The following ABCA10 variants were observed in gnomAD, a reference collection of about 807,000 sequenced individuals.
ABCA10 encodes the protein ATP binding cassette subfamily A member 10, also known as ATP-binding cassette sub-family A member 10.
ABCA10 carries 169 observed loss-of-function variants against 187.5 expected under a neutral mutation model. That is an observed-to-expected ratio of 0.90 (90% CI 0.80 to 1.02). The LOEUF (loss-of-function observed/expected upper bound fraction) is 1.02, where lower values mean the gene tolerates loss of function less well. Among genes scored for constraint, ABCA10 ranks in the 50% least tolerant of loss-of-function variants. The pLI is 0.00. For synonymous variants in ABCA10, 574 were observed against 601.8 expected, an observed-to-expected ratio of 0.95 and a Z score of 0.68; for missense variants, 1,727 against 1,812.4, an observed-to-expected ratio of 0.95 and a Z score of 0.86.
At chr17:69,188,323 T>C (rs898339024) in intron 18 of ABCA10, among the ~76,000 whole-genome samples, 3 of 152,022 alleles carry the variant, frequency 2.0e-5, no homozygotes, top group African/African-American at 2.4e-5. Context: ...GATGGAAAGT[T>C]CATGGAAAGG....
In ABCA10 at chr17:69,193,600, T is replaced by C. The variant is rs1173902674; in HGVS notation, c.1534A>G (p.Ile512Val). 1.9e-6 allele frequency: 3 copies of C among 1,605,642 alleles called. No homozygotes were observed. Among genetic ancestry groups the C allele is most frequent in the Non-Finnish European group, 2.6e-6 (3 of 1,174,996 alleles). Residue 512 changes from isoleucine (I) to valine (V), a missense_variant, in exon 14 of 39, where the codon ATA becomes GTA. Transcript: ENST00000690296. ...KEVEQEVKRI[I>V]MELDMQSIQD... ...ATGCTTTGCATGTCTAATTCCATTATAATTCTTTTTACCTATCAAAGAAAA... is the reference window on the plus strand; with the variant it reads ...ATGCTTTGCATGTCTAATTCCATTACAATTCTTTTTACCTATCAAAGAAAA...
intron 25 of ABCA10, among the ~76,000 whole-genome samples, chr17:69,170,709 G>C (rs1003412268): frequency 1.4e-4 from 21 of 151,888 alleles, no homozygotes; most frequent in Non-Finnish European, 2.8e-4. Context: ...TAAATTTTGG[G>C]AAATTGAAAC....
chr17:69,153,760 T>C, intron 32 of ABCA10, 71 bp downstream of exon 32: 1 of 1,517,554 alleles, frequency 6.6e-7, no homozygotes, highest in Non-Finnish European at 8.8e-7. Flanking sequence ...TAATTTCCTT[T>C]TAATATATAA....
At chr17:69,179,935 G>T (rs558481466) in intron 22 of ABCA10, among the ~76,000 whole-genome samples, 1 of 152,116 alleles carries the variant, frequency 6.6e-6, no homozygotes, top group African/African-American at 2.4e-5. Flanking sequence ...TGAAAAATCC[G>T]AAAGCCCTTT....
At chr17:69,210,847 C>CATATAT (rs57227408) in intron 9 of ABCA10, among the ~76,000 whole-genome samples, 9 of 37,890 alleles carry the variant, frequency 2.4e-4, no homozygotes, top group African/African-American at 4.0e-4. Context: ...ATTTATGCCA[C>CATATAT]ATATATATAT....
chr17:69,166,898 G>C (rs968081136), intron 25 of ABCA10, among the ~76,000 whole-genome samples: 2 of 152,132 alleles, frequency 1.3e-5, no homozygotes, highest in African/African-American at 4.8e-5. Context: ...CAAGCACCAG[G>C]ATTTAACGTA....
rs138792982 is a variant in ABCA10 at position 69,192,590 on chromosome 17, C to T, written c.1844G>A (p.Arg615Gln). 1,818 of 1,613,258 alleles carry T rather than the reference C, an allele frequency of 1.1e-3. 1 individual carries two copies. The highest frequency in any genetic ancestry group is 1.4e-3 in the Non-Finnish European group (1,648 of 1,179,666). ...TAAATGATATCCAATACCCCACTTT[C>T]GCTTCAGAAACAAAGATGATCCTGC... ...KCAGSSLFLK[R>Q]KWGIGYHLSL... Residue 615 changes from arginine to glutamine, a missense_variant, in exon 16 of 39, where the codon CGA becomes CAA. Physicochemically the swap from Arg to Gln is conservative, Grantham distance 43. Coordinates refer to ENST00000690296, the MANE Select transcript of ABCA10 (RefSeq NM_001377321.1).
At chr17:69,153,240 A>T in intron 34 of ABCA10, 65 bp downstream of exon 34, 2 of 1,523,140 alleles carry the variant, frequency 1.3e-6, no homozygotes, top group South Asian at 2.7e-5. Flanking sequence ...AACAAAACAA[A>T]AACAAAAACA....
At chr17:69,196,467 G>C (rs2074503987) in intron 11 of ABCA10, 1 of 179,584 alleles carries the variant, frequency 5.6e-6, no homozygotes, top group Non-Finnish European at 1.2e-5. Context: ...CGGCGGGGCA[G>C]AGACGCTCCT....
At chr17:69,213,079 G>A (rs1258154482) in intron 9 of ABCA10, among the ~76,000 whole-genome samples, 1 of 152,188 alleles carries the variant, frequency 6.6e-6, no homozygotes, top group African/African-American at 2.4e-5. Flanking sequence ...GTTGCAAGTG[G>A]TAGAATTATC....
At chr17:69,219,261 G>A (rs1372259662) in intron 6 of ABCA10, among the ~76,000 whole-genome samples, 1 of 152,180 alleles carries the variant, frequency 6.6e-6, no homozygotes, top group African/African-American at 2.4e-5. Flanking sequence ...AGACAAATGA[G>A]AAAGAATAAA....
chr17:69,194,990 C>A (rs2074487458), intron 11 of ABCA10, among the ~76,000 whole-genome samples: 1 of 152,170 alleles, frequency 6.6e-6, no homozygotes, highest in Admixed American at 6.5e-5. Context: ...TACTGGTCAT[C>A]ATTTTGCTTT....
rs146540010 is a variant in ABCA10, at chr17:69,216,249, A to G, written c.640T>C (p.Phe214Leu). Residue 214 changes from phenylalanine (F) to leucine (L), a missense_variant, in exon 7 of 39, where the codon TTC (phenylalanine) becomes CTC (leucine). Transcript: ENST00000690296. ...IVFHTGFMVI[F>L]TLYSLYGLSL... ...AGGCCATATAAGCTATAGAGTGTGAATATCACCATGAAGCCAGTATGAAAT... is the reference window on the plus strand; with the variant it reads ...AGGCCATATAAGCTATAGAGTGTGAGTATCACCATGAAGCCAGTATGAAAT... 1.1e-3 allele frequency: 1,707 copies of G among 1,613,664 alleles called. 10 individuals carry two copies. The highest frequency in any genetic ancestry group is 9.6e-3 in the East Asian group (432 of 44,812).
intron 9 of ABCA10, among the ~76,000 whole-genome samples, chr17:69,209,811 C>T (rs1005576045): frequency 6.6e-6 from 1 of 152,282 alleles, no homozygotes; most frequent in South Asian, 2.1e-4. Context: ...TCCTAGACTA[C>T]AAACCTGTAC....
At chr17:69,192,774 T>A (rs1365624363) in intron 15 of ABCA10, 121 bp from the exon 16 acceptor site, 2 of 869,094 alleles carry the variant, frequency 2.3e-6, no homozygotes, top group African/African-American at 3.4e-5. Context: ...TGTAATATCA[T>A]TAAGCCCCTG....
intron 2 of ABCA10, 109 bp downstream of exon 2, chr17:69,227,035 TA>T (rs2074799275): frequency 6.6e-6 from 1 of 151,172 alleles, no homozygotes; most frequent in South Asian, 2.1e-4. Flanking sequence ...GTATGATAAT[TA>T]AAAATCAGAA....
At chr17:69,238,296 A>C (rs1320873243) in intron 1 of ABCA10, among the ~76,000 whole-genome samples, 2 of 152,174 alleles carry the variant, frequency 1.3e-5, no homozygotes, top group African/African-American at 4.8e-5. Flanking sequence ...TAGAACTGTA[A>C]GAGAATAAGC....
At chr17:69,152,235 G>T in intron 35 of ABCA10, 52 bp from the exon 36 acceptor site, 1 of 1,583,242 alleles carries the variant, frequency 6.3e-7, no homozygotes, top group Admixed American at 1.8e-5. Flanking sequence ...TTCTTCCTCG[G>T]TTCTCACTGT....
chr17:69,205,562 A>C (rs2074585186), intron 9 of ABCA10, among the ~76,000 whole-genome samples: 1 of 152,234 alleles, frequency 6.6e-6, no homozygotes. Context: ...ATTAGGTCAG[A>C]GTTTCAAAGT....
Sources: gnomAD v4.1 joint callset for allele counts (sites outside exome capture counted in the v4.1 genomes callset) on GRCh38, gnomAD v4.1.1 for gene constraint, MANE v1.5 for transcripts, NCBI Gene and HGNC (gene_info 2026-07-23, HGNC 2026-07-21) for gene names.